The following SEMA5A variants were observed in gnomAD, a reference collection of about 807,000 sequenced individuals.
The protein encoded by SEMA5A is semaphorin-5A.
Under a neutral mutation model 135.5 loss-of-function variants are expected in SEMA5A, and 55 were observed. That is an observed-to-expected ratio of 0.41 (90% CI 0.33 to 0.51). The LOEUF is 0.51. Ranked by LOEUF, SEMA5A falls within the 20% of genes least tolerant of loss-of-function variation. The probability of loss-of-function intolerance (pLI) is 0.37; values close to 1 mark genes in which losing one functional copy is unlikely to be tolerated. For synonymous variants in SEMA5A, 580 were observed against 546.5 expected, an observed-to-expected ratio of 1.06 and a Z score of -0.85; for missense variants, 1,290 against 1,419.9, an observed-to-expected ratio of 0.91 and a Z score of 1.47.
At chr5:9,386,616 A>C (rs113080436) in intron 2 of SEMA5A, among the ~76,000 whole-genome samples, 7 of 152,300 alleles carry the variant, frequency 4.6e-5, no homozygotes, top group African/African-American at 1.7e-4. Flanking sequence ...ATGGTGGCTG[A>C]CACCAGCCAC....
chr5:9,383,668 T>C (rs1755709069), intron 2 of SEMA5A, among the ~76,000 whole-genome samples: 3 of 152,198 alleles, frequency 2.0e-5, no homozygotes. Context: ...CATTCTTTTC[T>C]TACACATAGT....
chr5:9,373,660 T>C (rs952817194), intron 3 of SEMA5A, among the ~76,000 whole-genome samples: 1 of 152,164 alleles, frequency 6.6e-6, no homozygotes, highest in African/African-American at 2.4e-5. Context: ...TGGAAATCAA[T>C]AGGGCCCTGC....
chr5:9,467,041 CAA>C (rs1759286642), intron 1 of SEMA5A, among the ~76,000 whole-genome samples: 1 of 152,204 alleles, frequency 6.6e-6, no homozygotes, highest in Non-Finnish European at 1.5e-5. Flanking sequence ...TCCCCAGAAA[CAA>C]AGTTTTGGCC....
chr5:9,108,248 G>T lies in SEMA5A; in HGVS notation c.1965C>A (p.Phe655Leu). 6.2e-7 allele frequency: 1 copy of T among 1,614,190 alleles called. No homozygotes were observed. The highest frequency in any genetic ancestry group is 8.5e-7 in the Non-Finnish European group (1 of 1,180,030). ...GTTCCCAAGGACCCCAGCCTGTCCA[G>T]AACATGTGTGGGGGACATAGCAAAT... ...NEHLLCPPHM[F>L]WTGWGPWERC... Residue 655 changes from phenylalanine (F) to leucine (L), a missense_variant, in exon 16 of 23, where the codon TTC becomes TTA. Physicochemically the swap from Phe to Leu is conservative, Grantham distance 22. Coordinates refer to ENST00000382496, the MANE Select transcript of SEMA5A (RefSeq NM_003966.3).
At chr5:9,208,451 G>A (rs772822211) in intron 8 of SEMA5A, among the ~76,000 whole-genome samples, 2 of 152,206 alleles carry the variant, frequency 1.3e-5, no homozygotes, top group Non-Finnish European at 2.9e-5. Flanking sequence ...CAAGAGCAGT[G>A]TGAGGAGACA....
At chr5:9,432,577 A>G (rs1757895786) in intron 2 of SEMA5A, among the ~76,000 whole-genome samples, 1 of 152,210 alleles carries the variant, frequency 6.6e-6, no homozygotes, top group African/African-American at 2.4e-5. Context: ...AAGACAAGTA[A>G]AGACTGAGAG....
intron 3 of SEMA5A, among the ~76,000 whole-genome samples, chr5:9,361,738 T>C (rs763617508): frequency 3.9e-5 from 6 of 152,234 alleles, no homozygotes; most frequent in Non-Finnish European, 8.8e-5. Context: ...CTTTAAACAC[T>C]TTCAAGTCTG....
At chr5:9,512,386 TATC>T (rs1473178745) in intron 1 of SEMA5A, among the ~76,000 whole-genome samples, 1 of 152,120 alleles carries the variant, frequency 6.6e-6, no homozygotes, top group African/African-American at 2.4e-5. Context: ...GCAAAATAGG[TATC>T]GTTACTTTTC....
At chr5:9,194,074 A>G (rs533383829) in intron 10 of SEMA5A, among the ~76,000 whole-genome samples, 1 of 151,884 alleles carries the variant, frequency 6.6e-6, no homozygotes, top group Admixed American at 6.5e-5. Flanking sequence ...AAAGCTGCAC[A>G]GAAAATTCTG....
chr5:9,113,145 A>G (rs1277599431), intron 15 of SEMA5A, among the ~76,000 whole-genome samples: 2 of 152,224 alleles, frequency 1.3e-5, no homozygotes, highest in Non-Finnish European at 2.9e-5. Flanking sequence ...TAAAAAACTC[A>G]TAGACACCAT....
In SEMA5A at chr5:9,041,329, A is replaced by G. The variant is rs1279556052; in HGVS notation, c.*1568T>C. 5 of 152,336 alleles carry G rather than the reference A, an allele frequency of 3.3e-5. No individual in the cohort carries two copies. Among genetic ancestry groups the G allele is most frequent in the African/African-American group, 1.2e-4 (5 of 41,578 alleles). The allele number at this position is 152,336 out of a possible 1,614,324, so 9.4% of individuals were successfully genotyped here. Reference sequence around the variant, plus strand: ...TACTATATTTTCTTTCATAGATCCGAAGGTTCATTTGTAAGAACACGTTTC... The same window carrying G: ...TACTATATTTTCTTTCATAGATCCGGAGGTTCATTTGTAAGAACACGTTTC... On this transcript the variant is annotated 3_prime_UTR_variant, in exon 23 of 23. Transcript: ENST00000382496.
chr5:9,545,095 C>T lies in SEMA5A; in HGVS notation c.-175+489G>A, dbSNP rs1738308576. On this transcript the variant is annotated intron_variant, in intron 1 of 22. Coordinates refer to ENST00000382496, the MANE Select transcript of SEMA5A (RefSeq NM_003966.3). This position sits in a 1 kb window ranked among gnomAD's most constrained non-coding sequence, Gnocchi z 4.5. ...GTTGAGCCCAAGTCCCATTGCCTCCCGGTTCCCCTGTAAGGAAAGCAGGAA... is the reference window on the plus strand; with the variant it reads ...GTTGAGCCCAAGTCCCATTGCCTCCTGGTTCCCCTGTAAGGAAAGCAGGAA... 2.0e-5 allele frequency among the ~76,000 whole-genome samples: 3 copies of T among 152,164 alleles called. No individual in the cohort carries two copies. Among genetic ancestry groups the T allele is most frequent in the Admixed American group, 2.0e-4 (3 of 15,278 alleles).
chr5:9,360,656 A>G (rs1754652046), intron 3 of SEMA5A, among the ~76,000 whole-genome samples: 1 of 152,232 alleles, frequency 6.6e-6, no homozygotes, highest in African/African-American at 2.4e-5. Context: ...GGTGCATACA[A>G]TATTCTCGGC....
intron 16 of SEMA5A, among the ~76,000 whole-genome samples, chr5:9,084,117 A>T (rs536995792): frequency 4.9e-4 from 74 of 152,390 alleles, no homozygotes; most frequent in Admixed American, 2.2e-3. Flanking sequence ...CTACTAGTCA[A>T]AAATAGTAAG....
chr5:9,232,953 C>T (rs1747715551), intron 6 of SEMA5A, among the ~76,000 whole-genome samples: 1 of 152,196 alleles, frequency 6.6e-6, no homozygotes. Context: ...AGTATGGTGT[C>T]ATGAGTTTCT....
chr5:9,111,513 GA>G (rs1740237423), intron 15 of SEMA5A, among the ~76,000 whole-genome samples: 1 of 152,248 alleles, frequency 6.6e-6, no homozygotes, highest in East Asian at 1.9e-4. Flanking sequence ...CCCGTGCATG[GA>G]ACTTTCAGCC....
chr5:9,145,236 T>G (rs549296131), intron 12 of SEMA5A, among the ~76,000 whole-genome samples: 2 of 152,154 alleles, frequency 1.3e-5, no homozygotes, highest in Non-Finnish European at 2.9e-5. Context: ...AAATTCTTAT[T>G]AAGTACCAGC....
At chr5:9,314,495 T>A (rs911230284) in intron 5 of SEMA5A, among the ~76,000 whole-genome samples, 1 of 152,190 alleles carries the variant, frequency 6.6e-6, no homozygotes, top group Non-Finnish European at 1.5e-5. Context: ...CCCTTGCTTC[T>A]TTGTACTTTT....
intron 2 of SEMA5A, among the ~76,000 whole-genome samples, chr5:9,410,434 T>C (rs1182812500): frequency 6.6e-6 from 1 of 152,200 alleles, no homozygotes; most frequent in African/African-American, 2.4e-5. Flanking sequence ...CAACAGTCAA[T>C]CTCCGCAGGA....
Sources: gnomAD v4.1 joint callset for allele counts (sites outside exome capture counted in the v4.1 genomes callset) on GRCh38, gnomAD v4.1.1 for gene constraint, Gnocchi (gnomAD v3.1) non-coding constraint, MANE v1.5 for transcripts, NCBI Gene and HGNC (gene_info 2026-07-23, HGNC 2026-07-21) for gene names.